Variants in GPLD1 observed in about 807,000 individuals in gnomAD.
The protein encoded by GPLD1 is phosphatidylinositol-glycan-specific phospholipase D.
In GPLD1, 84 loss-of-function variants were observed where a neutral mutation model predicts 112.6. That is an observed-to-expected ratio of 0.75 (90% confidence interval 0.63 to 0.89). GPLD1 has a LOEUF of 0.89. Among genes scored for constraint, GPLD1 ranks in the 40% least tolerant of loss-of-function variants. GPLD1 has a pLI of 0.00. For synonymous variants in GPLD1, 386 were observed against 403.8 expected (o/e 0.96, Z 0.53); for missense variants, 1,044 against 1,051.5 (o/e 0.99, Z 0.10).
chr6:24,481,643 C>G (rs1046499552), intron 2 of GPLD1, among the ~76,000 whole-genome samples: 1 of 152,108 alleles, frequency 6.6e-6, no homozygotes, highest in Admixed American at 6.6e-5. Context: ...CCGTTCACAC[C>G]TTCCCCAAGA....
chr6:24,435,137 GAGTA>G (rs2127315749), intron 22 of GPLD1, among the ~76,000 whole-genome samples: 1 of 150,186 alleles, frequency 6.7e-6, no homozygotes, highest in East Asian at 2.0e-4. Flanking sequence ...TCAGCCTCCC[GAGTA>G]GCTGGGACTA....
chr6:24,441,518 G>A (rs9467160), intron 20 of GPLD1, among the ~76,000 whole-genome samples: 43,151 of 152,054 alleles, frequency 0.28, 6,628 homozygotes, highest in African/African-American at 0.39. Flanking sequence ...TCCTGCATTC[G>A]TTTCAGTGAT....
At chr6:24,437,376 A>T in intron 20 of GPLD1, 87 bp from the exon 21 acceptor site, 2 of 1,234,688 alleles carry the variant, frequency 1.6e-6, no homozygotes, top group Non-Finnish European at 2.3e-6. Flanking sequence ...AGTGACACTG[A>T]TCACTCGGGA....
chr6:24,446,369 G>T (rs1762909911), intron 18 of GPLD1, among the ~76,000 whole-genome samples: 1 of 151,948 alleles, frequency 6.6e-6, no homozygotes. Context: ...AATTAGCTAG[G>T]CATGGGCACA....
intron 4 of GPLD1, 77 bp from the exon 5 acceptor site, chr6:24,475,308 T>C (rs1763973315): frequency 1.2e-6 from 1 of 808,616 alleles, no homozygotes; most frequent in Admixed American, 2.0e-5. Flanking sequence ...TTTTAATAAA[T>C]ATAAATTCAT....
intron 15 of GPLD1, among the ~76,000 whole-genome samples, chr6:24,449,142 T>A (rs1763001695): frequency 6.6e-6 from 1 of 151,824 alleles, no homozygotes; most frequent in Admixed American, 6.6e-5. Flanking sequence ...CAGAGGAAAC[T>A]GTACGAGCAA....
At chr6:24,488,187 C>T (rs998825715) in intron 1 of GPLD1, among the ~76,000 whole-genome samples, 3 of 152,052 alleles carry the variant, frequency 2.0e-5, no homozygotes, top group Non-Finnish European at 2.9e-5. Context: ...GCAGGCGGAT[C>T]GCAAGGTCAG....
Position 24,437,123 on chromosome 6 carries a change from A to C in GPLD1, c.2187T>G (p.Asp729Glu), listed in dbSNP as rs780434067. 5 of 1,614,018 alleles carry C rather than the reference A, an allele frequency of 3.1e-6. No individual in the cohort carries two copies. Among genetic ancestry groups the C allele is most frequent in the Non-Finnish European group, 4.2e-6 (5 of 1,179,948 alleles). Residue 729 changes from aspartate (D) to glutamate (E), a missense_variant, in exon 21 of 25, where the codon GAT (aspartate) becomes GAG (glutamate). Coordinates refer to ENST00000230036, the MANE Select transcript of GPLD1 (RefSeq NM_001503.4). The part of the protein sequence containing the change: ...GGVLHLSDLD[D>E]DGLDEIIMAA... Reference sequence around the variant, plus strand: ...CTGTTCCTTTCTTACCTAAGCCATCATCATCCAGGTCACTCAAGTGCAGAA... The same window carrying C: ...CTGTTCCTTTCTTACCTAAGCCATCCTCATCCAGGTCACTCAAGTGCAGAA...
At chr6:24,449,747 G>A (rs758123950) in intron 15 of GPLD1, 42 bp downstream of exon 15, 1 of 1,377,234 alleles carries the variant, frequency 7.3e-7, no homozygotes, top group Non-Finnish European at 1.0e-6. Context: ...TCCCCTCCCT[G>A]CCACCCCATT....
rs1400689182 is a variant in GPLD1, at chr6:24,457,869, T to G, written c.1009-1232A>C. ...GCCTGGGTGACAGAGCAAGACTCCA[T>G]CTCAAAAAAAAAAAACGATATCCTC... On this transcript the variant is annotated intron_variant, in intron 12 of 24. Coordinates refer to ENST00000230036, the MANE Select transcript of GPLD1 (RefSeq NM_001503.4). Among the ~76,000 whole-genome samples the G allele has an allele frequency of 6.8e-5, 10 of 146,852 alleles. No homozygotes were observed. In the East Asian group the frequency reaches 2.0e-3, roughly 29 times the overall value.
Position 24,442,549 on chromosome 6 carries a change from A to T in GPLD1, c.2020+2997T>A, listed in dbSNP as rs1306186357. Among the ~76,000 whole-genome samples, 16 of 144,320 alleles carry T rather than the reference A, an allele frequency of 1.1e-4. No individual in the cohort carries two copies. In the Admixed American group the frequency reaches 1.2e-3, roughly 11 times the overall value. The allele number at this position is 144,320 out of a possible 152,430, so 94.7% of individuals were successfully genotyped here. On this transcript the variant is annotated intron_variant, in intron 20 of 24. Transcript: ENST00000230036. ...AAGCTCTGGCTCCGGGATTCACGCC[A>T]TTCTCCTGCCTCAGCCTCCTAAGTA... is the stretch of plus-strand genomic sequence containing the variant.
intron 12 of GPLD1, 78 bp from the exon 13 acceptor site, chr6:24,456,715 T>C (rs1763280173): frequency 3.2e-6 from 3 of 934,656 alleles, no homozygotes; most frequent in Non-Finnish European, 4.9e-6. Flanking sequence ...TCCAAAGTAT[T>C]GGACTTGTGT....
At chr6:24,468,678 C>CA (rs1379222059) in intron 7 of GPLD1, among the ~76,000 whole-genome samples, 3 of 152,096 alleles carry the variant, frequency 2.0e-5, no homozygotes, top group Non-Finnish European at 4.4e-5. Flanking sequence ...CTCAGCCTCC[C>CA]AAGCAGCTGA....
intron 18 of GPLD1, among the ~76,000 whole-genome samples, 164 bp from the exon 19 acceptor site, chr6:24,445,995 C>A (rs116372098): frequency 6.6e-6 from 1 of 151,822 alleles, no homozygotes; most frequent in African/African-American, 2.4e-5. Context: ...TGGAGTTAAT[C>A]GCAACATCCA....
intron 17 of GPLD1, 107 bp downstream of exon 17, chr6:24,447,770 G>T: frequency 9.8e-7 from 1 of 1,017,256 alleles, no homozygotes; most frequent in Non-Finnish European, 1.4e-6. Context: ...GAAAATGTTG[G>T]TGAAATGATA....
intron 24 of GPLD1, 136 bp downstream of exon 24, chr6:24,433,051 T>C: frequency 2.6e-6 from 2 of 754,802 alleles, no homozygotes; most frequent in Non-Finnish European, 2.4e-6. Context: ...TGAGATTATA[T>C]GTGAATGTTA....
intron 4 of GPLD1, 144 bp downstream of exon 4, chr6:24,476,037 T>C: frequency 3.5e-6 from 2 of 564,548 alleles, no homozygotes; most frequent in Non-Finnish European, 6.3e-6. Context: ...AGCCATCTAC[T>C]ATGTCCAAGC....
downstream of GPLD1, chr6:24,425,304 G>C (rs1444769733): frequency 6.6e-6 from 1 of 152,166 alleles, no homozygotes; most frequent in East Asian, 1.9e-4. Flanking sequence ...ATTTGACTAA[G>C]ATCAGGCATA....
Position 24,476,248 on chromosome 6 carries a change from T to C in GPLD1, c.263A>G (p.His88Arg), listed in dbSNP as rs958962869. 6.4e-6 allele frequency: 10 copies of C among 1,566,062 alleles called. No individual in the cohort carries two copies. The highest frequency in any genetic ancestry group is 7.8e-6 in the Non-Finnish European group (9 of 1,148,634). ...GCTTGCATTAAGAAACGGAGTCCAG[T>C]GAGTGCTCTCAGACACATCATGGAA... ...GKFHDVSEST[H>R]WTPFLNASVH... Residue 88 changes from histidine (H) to arginine (R), a missense_variant, in exon 4 of 25, where the codon CAC becomes CGC. Coordinates refer to ENST00000230036, the MANE Select transcript of GPLD1 (RefSeq NM_001503.4).
Sources: gnomAD v4.1 joint callset for allele counts (sites outside exome capture counted in the v4.1 genomes callset) on GRCh38, gnomAD v4.1.1 for gene constraint, MANE v1.5 for transcripts, NCBI Gene and HGNC (gene_info 2026-07-23, HGNC 2026-07-21) for gene names.